NT5C2: variants seen among roughly 807,000 people sequenced by gnomAD.
The protein encoded by NT5C2 is 5'-nucleotidase, cytosolic II.
Under a neutral mutation model 76.1 loss-of-function variants are expected in NT5C2, and 58 were observed. The observed-to-expected ratio is 0.76, with a 90% CI of 0.62 to 0.95. The LOEUF (loss-of-function observed/expected upper bound fraction) is 0.95. Ranked by LOEUF, NT5C2 falls within the 40% of genes least tolerant of loss-of-function variation. The pLI is 0.00. For synonymous variants in NT5C2, 229 were observed against 237.4 expected, an observed-to-expected ratio of 0.96 and a Z score of 0.32; for missense variants, 478 against 690.3, an observed-to-expected ratio of 0.69 and a Z score of 3.45.
intron 4 of NT5C2, among the ~76,000 whole-genome samples, chr10:103,130,135 T>C (rs986601459): frequency 2.0e-5 from 3 of 151,596 alleles, no homozygotes; most frequent in African/African-American, 7.3e-5. Flanking sequence ...GGGGAAAAGA[T>C]TGAGAAATCG....
At chr10:103,173,224 CAG>C (rs569964586) in intron 3 of NT5C2, among the ~76,000 whole-genome samples, 3 of 152,086 alleles carry the variant, frequency 2.0e-5, no homozygotes, top group Non-Finnish European at 4.4e-5. Context: ...TGCTAATACC[CAG>C]AGTTACCCAC....
At chr10:103,170,827 T>G (rs1472554155) in intron 3 of NT5C2, among the ~76,000 whole-genome samples, 8 of 152,006 alleles carry the variant, frequency 5.3e-5, no homozygotes, top group Admixed American at 4.6e-4. Flanking sequence ...ATGCCCAGCC[T>G]ATGATATATA....
At chr10:103,126,726 T>C (rs918089797) in intron 4 of NT5C2, among the ~76,000 whole-genome samples, 6 of 152,234 alleles carry the variant, frequency 3.9e-5, no homozygotes, top group African/African-American at 1.2e-4. Context: ...CTTTCATATA[T>C]AAACTCATCT....
chr10:103,142,199 T>C (rs1422538549), intron 3 of NT5C2, among the ~76,000 whole-genome samples: 1 of 152,090 alleles, frequency 6.6e-6, no homozygotes, highest in Non-Finnish European at 1.5e-5. Flanking sequence ...GGGGTCAAAA[T>C]CCTGAAGATT....
At chr10:103,104,648 C>A (rs1291899338) in intron 6 of NT5C2, among the ~76,000 whole-genome samples, 1 of 152,162 alleles carries the variant, frequency 6.6e-6, no homozygotes, top group Admixed American at 6.5e-5. Flanking sequence ...ACACCGTTCT[C>A]ATGTATACAT....
At chr10:103,182,100 T>C (rs1039687778) in intron 1 of NT5C2, among the ~76,000 whole-genome samples, 4 of 152,238 alleles carry the variant, frequency 2.6e-5, no homozygotes, top group South Asian at 2.1e-4. Flanking sequence ...GAGTTATACA[T>C]TGGCAAACGC....
intron 2 of NT5C2, among the ~76,000 whole-genome samples, chr10:103,175,382 T>C (rs1318551986): frequency 6.6e-6 from 1 of 152,174 alleles, no homozygotes; most frequent in Non-Finnish European, 1.5e-5. Flanking sequence ...GATTCTGGTG[T>C]GGAGTAGAAC....
intron 3 of NT5C2, among the ~76,000 whole-genome samples, chr10:103,152,934 C>T (rs1303062471): frequency 3.3e-5 from 5 of 152,112 alleles, no homozygotes; most frequent in African/African-American, 4.8e-5. Flanking sequence ...TATTTTAAAA[C>T]GCCATTGAAT....
At chr10:103,156,061 G>A (rs536945439) in intron 3 of NT5C2, among the ~76,000 whole-genome samples, 2 of 152,218 alleles carry the variant, frequency 1.3e-5, no homozygotes, top group Non-Finnish European at 2.9e-5. Context: ...AGGTACTTGG[G>A]AGGCTGAGGT....
At chr10:103,129,980 G>A (rs1201349132) in intron 4 of NT5C2, among the ~76,000 whole-genome samples, 5 of 149,910 alleles carry the variant, frequency 3.3e-5, no homozygotes, top group East Asian at 4.1e-4. Flanking sequence ...GGAGGTGAGG[G>A]GCGCCTCTGC....
At chr10:103,103,272 A>T (rs1236822432) in intron 6 of NT5C2, among the ~76,000 whole-genome samples, 1 of 152,218 alleles carries the variant, frequency 6.6e-6, no homozygotes, top group Admixed American at 6.5e-5. Context: ...TCCCTGTCTT[A>T]AGTCACTCTT....
intron 3 of NT5C2, among the ~76,000 whole-genome samples, chr10:103,149,483 C>A (rs1401602430): frequency 1.3e-5 from 2 of 152,156 alleles, no homozygotes; most frequent in South Asian, 2.1e-4. Flanking sequence ...GAAAAATACA[C>A]AAGTTACGGG....
chr10:103,141,318 G>T (rs1033220501), intron 3 of NT5C2, among the ~76,000 whole-genome samples: 1 of 151,992 alleles, frequency 6.6e-6, no homozygotes, highest in East Asian at 1.9e-4. Flanking sequence ...ATCAGCTGGG[G>T]ATGGTGGTGT....
At chr10:103,119,444 A>C (rs904468487) in intron 4 of NT5C2, among the ~76,000 whole-genome samples, 1 of 152,176 alleles carries the variant, frequency 6.6e-6, no homozygotes, top group African/African-American at 2.4e-5. Context: ...TCACACAAAT[A>C]TCTCTTGCAC....
intron 3 of NT5C2, among the ~76,000 whole-genome samples, chr10:103,165,574 C>CTT (rs35898850): frequency 3.7e-5 from 4 of 109,260 alleles, no homozygotes; most frequent in Admixed American, 9.8e-5. Flanking sequence ...CCACCTGTGG[C>CTT]TTTTTTTTTT....
Position 103,089,684 on chromosome 10 carries a change from C to G in NT5C2, c.1674G>C (p.Glu558Asp). The change falls in exon 19 of 19, where the codon GAG becomes GAC. Residue 558 changes from glutamate (E) to aspartate (D), a missense_variant. Physicochemically the swap from Glu to Asp is conservative, Grantham distance 45. Coordinates refer to ENST00000404739, the MANE Select transcript of NT5C2 (RefSeq NM_001351169.2). ...TTGGTTTTCCTCCTTATTCTTCCTC[C>G]TCCTCCTCCTCTTCATCATCATCTT... Reference protein sequence around the residue: ...HDEDDDEEEEEEEE With the variant: ...HDEDDDEEEEDEEE The G allele has an allele frequency of 6.2e-7, 1 of 1,603,194 alleles. No individual in the cohort carries two copies. The highest frequency in any genetic ancestry group is 8.5e-7 in the Non-Finnish European group (1 of 1,174,528).
At chr10:103,098,865 G>GTTA (rs2068843331) in intron 10 of NT5C2, 66 bp downstream of exon 10, 1 of 1,097,388 alleles carries the variant, frequency 9.1e-7, no homozygotes, top group South Asian at 1.4e-5. Context: ...AAATCAGCTT[G>GTTA]TTATTAATTT....
Position 103,089,487 on chromosome 10 carries a change from A to G in NT5C2, c.*185T>C. 9.4e-7 allele frequency: 1 copy of G among 1,067,682 alleles called. No homozygotes were observed. Among genetic ancestry groups the G allele is most frequent in the Non-Finnish European group, 1.3e-6 (1 of 786,868 alleles). The allele number at this position is 1,067,682 out of a possible 1,614,324, so 66.1% of individuals were successfully genotyped here. A position where few individuals can be genotyped will look rare whatever the true frequency, so the allele number is the denominator to read the frequency against. The stretch of plus-strand genomic sequence containing the variant: ...TCCATTACAATTTTGGACCATCTGC[A>G]GAGAGTACAGATACACAAAACCAAA... On this transcript the variant is annotated 3_prime_UTR_variant, in exon 19 of 19. Transcript: ENST00000404739.
At chr10:103,192,906 G>T (rs1018125303) in intron 1 of NT5C2, among the ~76,000 whole-genome samples, 4 of 152,188 alleles carry the variant, frequency 2.6e-5, no homozygotes, top group African/African-American at 4.8e-5. Context: ...GCCGCGCTGG[G>T]AGGCTGAGGC....
Sources: allele counts gnomAD v4.1 joint callset (sites outside exome capture counted in the v4.1 genomes callset), GRCh38; gene constraint gnomAD v4.1.1; transcripts MANE v1.5; gene names NCBI Gene and HGNC (gene_info 2026-07-23, HGNC 2026-07-21).